Variants in SNUPN observed in about 807,000 individuals in gnomAD.
SNUPN encodes the protein snurportin 1.
In SNUPN, 31 loss-of-function variants were observed where a neutral mutation model predicts 39.2. The observed-to-expected ratio is 0.79, with a 90% CI of 0.59 to 1.07. The LOEUF is 1.07. Among genes scored for constraint, SNUPN ranks in the 50% least tolerant of loss-of-function variants. The pLI, the probability that SNUPN is intolerant of heterozygous loss-of-function variation, is 0.00. For missense variants in SNUPN, 382 were observed against 434.2 expected, an observed-to-expected ratio of 0.88 and a Z score of 1.07; for synonymous variants, 132 against 159.0, an observed-to-expected ratio of 0.83 and a Z score of 1.28.
intron 8 of SNUPN, 43 bp from the exon 9 acceptor site, chr15:75,598,724 C>A: frequency 2.0e-6 from 3 of 1,484,042 alleles, no homozygotes; most frequent in Non-Finnish European, 2.8e-6. Context: ...ACTTCTGGGG[C>A]CACATGTTTC....
chr15:75,619,648 T>C (rs1893020193), intron 2 of SNUPN, among the ~76,000 whole-genome samples: 1 of 151,928 alleles, frequency 6.6e-6, no homozygotes, highest in Admixed American at 6.6e-5. Flanking sequence ...AATATATATA[T>C]ATTTGGAAGG....
At chr15:75,619,961 C>G (rs956897626) in intron 2 of SNUPN, among the ~76,000 whole-genome samples, 1 of 152,096 alleles carries the variant, frequency 6.6e-6, no homozygotes, top group African/African-American at 2.4e-5. Context: ...GTTGGTCAGG[C>G]CAGTCTCGAA....
chr15:75,620,813 G>C (rs533786492), intron 2 of SNUPN, 81 bp downstream of exon 2: 1 of 1,266,642 alleles, frequency 7.9e-7, no homozygotes, highest in South Asian at 1.4e-5. Flanking sequence ...GGGAGAGTCT[G>C]TAGAGACAAG....
Position 75,620,649 on chromosome 15 carries a change from A to C in SNUPN, c.158+245T>G, listed in dbSNP as rs561829615. Among the ~76,000 whole-genome samples the C allele has an allele frequency of 2.6e-5, 4 of 152,216 alleles. No individual in the cohort carries two copies. The East Asian group carries it at 7.7e-4, about 29-fold the overall frequency. On this transcript the variant is annotated intron_variant, in intron 2 of 8. Coordinates refer to ENST00000308588, the MANE Select transcript of SNUPN (RefSeq NM_005701.4). Reference sequence around the variant, plus strand: ...CTGCCAGGAAAAAAAGAAAAACTTAACCAAATAATTGAGCTTTTGGTTTCA... The same window carrying C: ...CTGCCAGGAAAAAAAGAAAAACTTACCCAAATAATTGAGCTTTTGGTTTCA...
chr15:75,615,990 T>C (rs1218489925), intron 3 of SNUPN, among the ~76,000 whole-genome samples: 1 of 152,078 alleles, frequency 6.6e-6, no homozygotes, highest in African/African-American at 2.4e-5. Context: ...ACATCTATCT[T>C]CCCATGTCAT....
chr15:75,622,128 C>T (rs192609212), intron 1 of SNUPN, among the ~76,000 whole-genome samples: 18 of 152,236 alleles, frequency 1.2e-4, no homozygotes, highest in Non-Finnish European at 2.4e-4. Context: ...TTTGGGAGGC[C>T]AAGGCAGGAG....
At chr15:75,610,604 C>A (rs908766174) in intron 3 of SNUPN, among the ~76,000 whole-genome samples, 2 of 152,008 alleles carry the variant, frequency 1.3e-5, no homozygotes, top group African/African-American at 4.8e-5. Context: ...GGTGATGAAC[C>A]CTCTTCCTTT....
intron 3 of SNUPN, 116 bp downstream of exon 3, chr15:75,617,292 A>G (rs903268587): frequency 1.6e-5 from 17 of 1,092,208 alleles, no homozygotes; most frequent in Non-Finnish European, 2.3e-5. Flanking sequence ...TGCAGTTCCT[A>G]TTCCTTTTTC....
At chr15:75,614,789 T>C (rs760265217) in intron 3 of SNUPN, among the ~76,000 whole-genome samples, 23 of 152,230 alleles carry the variant, frequency 1.5e-4, no homozygotes, top group Non-Finnish European at 2.9e-4. Flanking sequence ...AATATAACTG[T>C]CTAAAAAATA....
chr15:75,606,139 C>T (rs1300723085), intron 6 of SNUPN, among the ~76,000 whole-genome samples: 2 of 151,908 alleles, frequency 1.3e-5, no homozygotes, highest in Non-Finnish European at 2.9e-5. Flanking sequence ...AGCGAGACTC[C>T]GTCTCAAAGA....
At chr15:75,623,331 A>G (rs1051604316) in intron 1 of SNUPN, among the ~76,000 whole-genome samples, 1 of 145,566 alleles carries the variant, frequency 6.9e-6, no homozygotes, top group Non-Finnish European at 1.5e-5. Context: ...TGTATTTTTT[A>G]GTAGAGACGG....
At chr15:75,618,327 CT>C (rs202059443) in intron 2 of SNUPN, among the ~76,000 whole-genome samples, 98 of 148,480 alleles carry the variant, frequency 6.6e-4, no homozygotes, top group Non-Finnish European at 1.1e-3. Context: ...TTAAAGAGAA[CT>C]TTTTTTTTTA....
chr15:75,621,300 A>C (rs2141379301), intron 1 of SNUPN, among the ~76,000 whole-genome samples: 1 of 140,678 alleles, frequency 7.1e-6, no homozygotes, highest in Admixed American at 7.6e-5. Flanking sequence ...TCTCTCTATC[A>C]CCCAGGTCGG....
At chr15:75,608,698 A>G (rs1475417105) in intron 5 of SNUPN, among the ~76,000 whole-genome samples, 1 of 152,198 alleles carries the variant, frequency 6.6e-6, no homozygotes, top group Non-Finnish European at 1.5e-5. Context: ...CCGTAATAGA[A>G]GTCCAAAGAT....
At chr15:75,622,286 G>GT (rs1846351443) in intron 1 of SNUPN, 3 of 900,466 alleles carry the variant, frequency 3.3e-6, no homozygotes, top group Non-Finnish European at 4.0e-6. Flanking sequence ...TTCTAGTTGT[G>GT]TTTTGTTTTT....
At chr15:75,603,127 C>T (rs1486703749) in intron 7 of SNUPN, among the ~76,000 whole-genome samples, 1 of 150,730 alleles carries the variant, frequency 6.6e-6, no homozygotes, top group African/African-American at 2.4e-5. Flanking sequence ...CGGCTAACTG[C>T]AAGCTCGGCC....
At chr15:75,621,741 C>A (rs1419256899) in intron 1 of SNUPN, among the ~76,000 whole-genome samples, 12 of 152,078 alleles carry the variant, frequency 7.9e-5, no homozygotes, top group Admixed American at 6.6e-5. Flanking sequence ...CAAAAGCAAT[C>A]AAAAACCCCA....
intron 1 of SNUPN, chr15:75,622,598 G>T: frequency 1.6e-6 from 1 of 630,196 alleles, no homozygotes; most frequent in Non-Finnish European, 2.0e-6. Flanking sequence ...GACTTGCACT[G>T]CTGGGCTGGC....
At chr15:75,598,755 A>G in intron 8 of SNUPN, 74 bp from the exon 9 acceptor site, 1 of 1,205,294 alleles carries the variant, frequency 8.3e-7, no homozygotes, top group East Asian at 2.4e-5. Context: ...TATACACACA[A>G]GGGCAGCTCT....
Sources: gnomAD v4.1 joint callset for allele counts (sites outside exome capture counted in the v4.1 genomes callset) on GRCh38, gnomAD v4.1.1 for gene constraint, MANE v1.5 for transcripts, NCBI Gene and HGNC (gene_info 2026-07-23, HGNC 2026-07-21) for gene names.